The following THRB variants were observed in gnomAD, a reference collection of about 807,000 sequenced individuals.
THRB encodes nuclear receptor subfamily 1 group A member 2.
In THRB, 12 loss-of-function variants were observed where a neutral mutation model predicts 47.8. The observed-to-expected ratio is 0.25, with a 90% CI of 0.16 to 0.41. The LOEUF is 0.41. THRB is among the 10% of genes least tolerant of loss of function. The pLI, the probability that THRB is intolerant of heterozygous loss-of-function variation, is 1.00. For synonymous variants in THRB, 218 were observed against 212.2 expected, an observed-to-expected ratio of 1.03 and a Z score of -0.24; for missense variants, 348 against 589.2, an observed-to-expected ratio of 0.59 and a Z score of 4.24.
intron 1 of THRB, among the ~76,000 whole-genome samples, chr3:24,394,253 T>C (rs1288756571): frequency 1.3e-5 from 2 of 152,114 alleles, no homozygotes; most frequent in African/African-American, 4.8e-5. Flanking sequence ...TCTTAGAGTA[T>C]ATATTAATGT....
At chr3:24,336,880 C>T (rs1002803653) in intron 2 of THRB, among the ~76,000 whole-genome samples, 1 of 152,052 alleles carries the variant, frequency 6.6e-6, no homozygotes, top group Admixed American at 6.5e-5. Flanking sequence ...CACCACCACG[C>T]CTGGCTAATT....
chr3:24,221,649 A>AT (rs533768418), intron 4 of THRB, among the ~76,000 whole-genome samples: 18 of 151,616 alleles, frequency 1.2e-4, no homozygotes, highest in African/African-American at 3.1e-4. Flanking sequence ...CTGAGAAAGA[A>AT]TTTTTTTTTC....
chr3:24,466,877 T>C (rs1164437651), intron 1 of THRB, among the ~76,000 whole-genome samples: 3 of 152,116 alleles, frequency 2.0e-5, no homozygotes, highest in African/African-American at 4.8e-5. Flanking sequence ...TTGCTGAAGG[T>C]TGGGGTTGCT....
At chr3:24,168,997 T>C (rs1325599875) in intron 5 of THRB, among the ~76,000 whole-genome samples, 4 of 151,958 alleles carry the variant, frequency 2.6e-5, no homozygotes, top group Non-Finnish European at 5.9e-5. Flanking sequence ...TGAGCAGAAA[T>C]GTCTTAGGAA....
chr3:24,386,078 A>C (rs1006177509), intron 1 of THRB, among the ~76,000 whole-genome samples: 2 of 152,158 alleles, frequency 1.3e-5, no homozygotes, highest in Admixed American at 1.3e-4. Flanking sequence ...AGCCAAATCC[A>C]GCATCCACCT....
chr3:24,377,874 G>GGTTTAATGGTAA (rs2065410332), intron 1 of THRB, among the ~76,000 whole-genome samples: 1 of 152,108 alleles, frequency 6.6e-6, no homozygotes, highest in African/African-American at 2.4e-5. Flanking sequence ...TCCACAGTCA[G>GGTTTAATGGTAA]CTAGATAACA....
Position 24,133,204 on chromosome 3 carries a change from A to G in THRB, c.885+112T>C, listed in dbSNP as rs2034134922. The G allele has an allele frequency of 6.3e-6, 8 of 1,261,650 alleles. No individual in the cohort carries two copies. The South Asian group carries it at 7.7e-5, about 12-fold the overall frequency. The allele number at this position is 1,261,650 out of a possible 1,614,324, so 78.2% of individuals were successfully genotyped here. ...TTCGTTTTGTACTGACGTTGCTTTC[A>G]TATGATTAAGTCCCTACTAATTAAC... On this transcript the variant is annotated intron_variant, in intron 9 of 10. Transcript: ENST00000646209.
chr3:24,447,455 A>C (rs1408343024), intron 1 of THRB, among the ~76,000 whole-genome samples: 1 of 152,102 alleles, frequency 6.6e-6, no homozygotes, highest in Non-Finnish European at 1.5e-5. Context: ...CAGTAATGGG[A>C]GGGTTTGATC....
In THRB at chr3:24,118,973, GTTTTTTTTTTTTTTTTTT is replaced by G. The variant is rs559325556; in HGVS notation, c.*3893_*3910del. On this transcript the variant is annotated 3_prime_UTR_variant, in exon 11 of 11. Transcript: ENST00000646209. The stretch of plus-strand genomic sequence containing the variant: ...GCCAAACCTTTTTTCCCCCAGTCTG[GTTTTTTTTTTTTTTTTTT>G]TTTTTTTTTTTTGAGTGTGTTTTTA... 2.0e-5 allele frequency: 1 copy of G among 49,516 alleles called. No homozygotes were observed. The highest frequency in any genetic ancestry group is 6.7e-5 in the African/African-American group (1 of 14,994). 3.1% of individuals were successfully genotyped at this position (49,516 alleles called of 1,614,324 possible).
At chr3:24,257,245 A>C (rs2051389981) in intron 3 of THRB, among the ~76,000 whole-genome samples, 1 of 152,058 alleles carries the variant, frequency 6.6e-6, no homozygotes, top group African/African-American at 2.4e-5. Context: ...AAATGAAATA[A>C]ATTTTTTGAT....
intron 5 of THRB, among the ~76,000 whole-genome samples, chr3:24,188,878 T>TAC (rs71057656): frequency 2.8e-5 from 4 of 142,368 alleles, no homozygotes; most frequent in Non-Finnish European, 4.5e-5. Flanking sequence ...TATATATATA[T>TAC]ATATATGAGA....
At position 24,305,960 on chromosome 3, in the gene THRB, C is replaced by G. The variant is rs1342878383; in HGVS notation, c.-188-8589G>C. On this transcript the variant is annotated intron_variant, in intron 2 of 10. Coordinates refer to ENST00000646209, the MANE Select transcript of THRB (RefSeq NM_001354712.2). Reference sequence around the variant, plus strand: ...AGAAATCTGAGTCTATCTCCTCCCCCAATGGGCTTCTAAAAGTGTTTCTTC... The same window carrying G: ...AGAAATCTGAGTCTATCTCCTCCCCGAATGGGCTTCTAAAAGTGTTTCTTC... 3.3e-5 allele frequency among the ~76,000 whole-genome samples: 5 copies of G among 152,156 alleles called. No individual in the cohort carries two copies. In the East Asian group the frequency reaches 9.6e-4, roughly 29 times the overall value.
chr3:24,188,761 C>CACAT (rs1226134102), intron 5 of THRB, among the ~76,000 whole-genome samples: 1 of 47,356 alleles, frequency 2.1e-5, no homozygotes, highest in Non-Finnish European at 6.5e-5. Context: ...CACACGTGCA[C>CACAT]ACACACACAC....
At chr3:24,335,081 C>G (rs911497256) in intron 2 of THRB, among the ~76,000 whole-genome samples, 1 of 152,168 alleles carries the variant, frequency 6.6e-6, no homozygotes, top group African/African-American at 2.4e-5. Flanking sequence ...CCCACCAGCA[C>G]TCCTCCCAGC....
intron 2 of THRB, among the ~76,000 whole-genome samples, chr3:24,317,693 G>A (rs2149263881): frequency 6.6e-6 from 1 of 152,252 alleles, no homozygotes; most frequent in South Asian, 2.1e-4. Context: ...TACCATATAT[G>A]GGAAAATTCA....
chr3:24,376,937 C>T (rs1230426468), intron 1 of THRB, among the ~76,000 whole-genome samples: 2 of 150,780 alleles, frequency 1.3e-5, no homozygotes, highest in Admixed American at 1.3e-4. Context: ...ATATCTGTCT[C>T]ATACTTTTTT....
intron 8 of THRB, among the ~76,000 whole-genome samples, chr3:24,137,244 G>A (rs2034797411): frequency 6.6e-6 from 1 of 152,214 alleles, no homozygotes; most frequent in Non-Finnish European, 1.5e-5. Context: ...CTTATTGGTT[G>A]AGTGAGTGAA....
At chr3:24,233,850 G>A (rs2048592448) in intron 3 of THRB, among the ~76,000 whole-genome samples, 1 of 152,206 alleles carries the variant, frequency 6.6e-6, no homozygotes, top group Non-Finnish European at 1.5e-5. Context: ...GTGGAGAGAT[G>A]CTGTTGGAGA....
At chr3:24,247,738 A>G (rs541111487) in intron 3 of THRB, among the ~76,000 whole-genome samples, 1 of 152,286 alleles carries the variant, frequency 6.6e-6, no homozygotes, top group South Asian at 2.1e-4. Context: ...GGACCCAAAA[A>G]TATGCCTCCT....
Sources: gnomAD v4.1 joint callset for allele counts (sites outside exome capture counted in the v4.1 genomes callset) on GRCh38, gnomAD v4.1.1 for gene constraint, MANE v1.5 for transcripts, NCBI Gene and HGNC (gene_info 2026-07-23, HGNC 2026-07-21) for gene names.